Variants in TJP2 observed in about 807,000 individuals in gnomAD.
TJP2 encodes the protein Friedreich ataxia region gene X104 (tight junction protein ZO-2).
TJP2 carries 91 observed loss-of-function variants against 133.1 expected under a neutral mutation model. The observed-to-expected ratio is 0.68, with a 90% confidence interval of 0.58 to 0.81. The LOEUF is 0.81. Among genes scored for constraint, TJP2 ranks in the 40% least tolerant of loss-of-function variants. The pLI is 0.00. For missense variants in TJP2, 1,541 were observed against 1,565.6 expected (o/e 0.98, Z 0.26); for synonymous variants, 592 against 583.4 (o/e 1.01, Z -0.21).
chr9:69,205,466 G>C (rs570722419), intron 1 of TJP2, among the ~76,000 whole-genome samples: 1 of 152,310 alleles, frequency 6.6e-6, no homozygotes, highest in South Asian at 2.1e-4. Context: ...TACTGGATCT[G>C]TGGATCAAAG....
chr9:69,234,636 T>A, intron 12 of TJP2, 89 bp downstream of exon 12: 1 of 999,396 alleles, frequency 1.0e-6, no homozygotes, highest in Non-Finnish European at 1.5e-6. Flanking sequence ...AATAGGCAAA[T>A]CTGGGTATTA....
Position 69,151,678 on chromosome 9 carries a change from T to G in TJP2, c.-103T>G, listed in dbSNP as rs1823486053. On this transcript the variant is annotated 5_prime_UTR_variant, in exon 2 of 6. Transcript: ENST00000423935. ...TGCGAAGTACCACATTACTGTCATC[T>G]CCCTGTGAGTGGGATTGGCACCCCG... is the stretch of plus-strand genomic sequence containing the variant. 8.1e-6 allele frequency: 10 copies of G among 1,232,070 alleles called. No homozygotes were observed. In the East Asian group the frequency reaches 3.2e-4, roughly 39 times the overall value. The allele number at this position is 1,232,070 out of a possible 1,614,324, so 76.3% of individuals were successfully genotyped here. A position where few individuals can be genotyped will look rare whatever the true frequency, so the allele number is the denominator to read the frequency against.
intron 1 of TJP2, chr9:69,205,060 G>A (rs139558532): frequency 8.9e-6 from 13 of 1,460,400 alleles, no homozygotes; most frequent in Middle Eastern, 2.2e-4. Flanking sequence ...CTGGAAATGT[G>A]GGCCACTATT....
chr9:69,221,076 G>C lies in TJP2; in HGVS notation c.532G>C (p.Gly178Arg). ...SRSWEDSPER[G>R]RPHERARSRE... Reference sequence around the variant, plus strand: ...CAGCTGGGAGGACAGCCCGGAAAGGGGGCGTCCCCATGAGCGGGCCCGGAG... The same window carrying C: ...CAGCTGGGAGGACAGCCCGGAAAGGCGGCGTCCCCATGAGCGGGCCCGGAG... The change falls in exon 5 of 23, where the codon GGG (glycine) becomes CGG (arginine). Residue 178 changes from glycine (G) to arginine (R), a missense_variant. Coordinates refer to ENST00000377245, the MANE Select transcript of TJP2 (RefSeq NM_004817.4). 3 of 1,593,948 alleles carry C rather than the reference G, an allele frequency of 1.9e-6. No homozygotes were observed. The highest frequency in any genetic ancestry group is 2.6e-6 in the Non-Finnish European group (3 of 1,170,862).
chr9:69,227,897 T>C (rs752161763), intron 8 of TJP2, 24 bp downstream of exon 8: 11 of 1,612,910 alleles, frequency 6.8e-6, no homozygotes, highest in Middle Eastern at 3.3e-4. Context: ...AATATTCTCT[T>C]GTACATGTCA....
At position 69,221,459 on chromosome 9, in the gene TJP2, C is replaced by T; in HGVS notation, c.915C>T (p.Pro305=). The change falls in exon 5 of 23, where the codon CCC becomes CCT. Residue 305 remains proline (P), a synonymous_variant. Coordinates refer to ENST00000377245, the MANE Select transcript of TJP2 (RefSeq NM_004817.4). ...PSPEPRGRPG[P]IGVLLMKSRA... ...CCGAGCCTAGGGGGCGGCCGGGGCC[C>T]ATCGGGGTCCTCCTGATGAAAAGCA... 3 of 1,598,112 alleles carry T rather than the reference C, an allele frequency of 1.9e-6. No individual in the cohort carries two copies. The highest frequency in any genetic ancestry group is 2.6e-6 in the Non-Finnish European group (3 of 1,172,226).
intron 1 of TJP2, chr9:69,151,563 A>G (rs1823481511): frequency 9.0e-6 from 11 of 1,218,374 alleles, no homozygotes; most frequent in South Asian, 8.5e-5. Flanking sequence ...GGCAAATTGT[A>G]TGGTATGTGG....
intron 2 of TJP2, among the ~76,000 whole-genome samples, chr9:69,166,026 C>T (rs969091684): frequency 6.6e-6 from 1 of 152,230 alleles, no homozygotes; most frequent in African/African-American, 2.4e-5. Flanking sequence ...CTCCTTCCAA[C>T]CCAGGACTCT....
At position 69,236,296 on chromosome 9, in the gene TJP2, GA is replaced by G; in HGVS notation, c.1991+59del. On this transcript the variant is annotated intron_variant, in intron 13 of 22. Coordinates refer to ENST00000377245, the MANE Select transcript of TJP2 (RefSeq NM_004817.4). ...TAATCCTTCCCCCTGCAGAAAACTA[GA>G]GACCGCCCCCCTTCCCCCGTAAAAG... 7 of 1,564,488 alleles carry G rather than the reference GA, an allele frequency of 4.5e-6. No individual in the cohort carries two copies. In the South Asian group the frequency reaches 7.9e-5, roughly 18 times the overall value.
At chr9:69,162,580 A>G (rs1824139344) in intron 2 of TJP2, among the ~76,000 whole-genome samples, 1 of 152,268 alleles carries the variant, frequency 6.6e-6, no homozygotes, top group African/African-American at 2.4e-5. Flanking sequence ...CAATTATGGT[A>G]TATTCATACA....
chr9:69,201,965 G>A (rs1006175739), intron 1 of TJP2, among the ~76,000 whole-genome samples: 4 of 152,154 alleles, frequency 2.6e-5, no homozygotes, highest in Admixed American at 6.5e-5. Context: ...AGGGGAGAGG[G>A]AAATGGGGAG....
At chr9:69,174,081 A>AGGCGC, upstream of TJP2, 1 of 1,109,760 alleles carries the variant, frequency 9.0e-7, no homozygotes, top group Non-Finnish European at 1.1e-6. Flanking sequence ...GGAGCCTCGA[A>AGGCGC]GGCGCGGCGC....
At chr9:69,184,681 A>G (rs1271925419) in intron 1 of TJP2, among the ~76,000 whole-genome samples, 2 of 151,830 alleles carry the variant, frequency 1.3e-5, no homozygotes, top group Non-Finnish European at 2.9e-5. Context: ...GGCAGTGGTT[A>G]TAATTTATTA....
At chr9:69,133,221 CA>C (rs1822574722) in intron 1 of TJP2, among the ~76,000 whole-genome samples, 1 of 152,270 alleles carries the variant, frequency 6.6e-6, no homozygotes, top group East Asian at 1.9e-4. Flanking sequence ...CTCGGCCTCC[CA>C]AAGTGCTGGG....
chr9:69,228,038 T>G lies in TJP2; in HGVS notation c.1377T>G (p.Phe459Leu). 1 of 1,614,044 alleles carries G rather than the reference T, an allele frequency of 6.2e-7. No homozygotes were observed. Among genetic ancestry groups the G allele is most frequent in the Non-Finnish European group, 8.5e-7 (1 of 1,179,986 alleles). ...GGATGGGTGCGACACCCACTCCCTT[T>G]AAGTCCACAGGGGATATTGCAGGCA... Reference protein sequence around the residue: ...LSRMGATPTPFKSTGDIAGTV... With the variant: ...LSRMGATPTPLKSTGDIAGTV... Residue 459 changes from phenylalanine (F) to leucine (L), a missense_variant, in exon 9 of 23, where the codon TTT (phenylalanine) becomes TTG (leucine). Transcript: ENST00000377245.
chr9:69,130,989 C>T (rs1366332241), intron 1 of TJP2, among the ~76,000 whole-genome samples: 1 of 152,132 alleles, frequency 6.6e-6, no homozygotes, highest in Non-Finnish European at 1.5e-5. Context: ...AGGGCAGCAT[C>T]CCCGGGCAGT....
Position 69,178,110 on chromosome 9 carries a change from G to A in TJP2, c.60+3678G>A, listed in dbSNP as rs548108227. 2.0e-5 allele frequency among the ~76,000 whole-genome samples: 3 copies of A among 152,034 alleles called. No individual in the cohort carries two copies. The East Asian group carries it at 5.8e-4, about 29-fold the overall frequency. ...AGCTTCATCATCCTAGATAACCTGT[G>A]AGCTCTCAGAGGAGACAGAGTAAGG... is the stretch of plus-strand genomic sequence containing the variant. On this transcript the variant is annotated intron_variant, in intron 1 of 22. Transcript: ENST00000377245.
intron 1 of TJP2, among the ~76,000 whole-genome samples, chr9:69,178,520 A>G (rs1034206953): frequency 2.6e-5 from 4 of 152,196 alleles, no homozygotes; most frequent in Non-Finnish European, 4.4e-5. Flanking sequence ...TGTGGTGCTT[A>G]CTTATAGAGA....
rs762420929 is a variant in TJP2 at position 69,246,704 on chromosome 9, A to T, written c.2581A>T (p.Asn861Tyr). 6.2e-7 allele frequency: 1 copy of T among 1,614,090 alleles called. No individual in the cohort carries two copies. Among genetic ancestry groups the T allele is most frequent in the Non-Finnish European group, 8.5e-7 (1 of 1,179,976 alleles). Residue 861 changes from asparagine to tyrosine, a missense_variant, in exon 18 of 23, where the codon AAT becomes TAT. Physicochemically the swap from Asn to Tyr is moderately radical, Grantham distance 143 (BLOSUM62 -2). Transcript: ENST00000377245. ...TATTTCTATAGCTACAATCAACCTA[A>T]ATTCAGCCAATGATAGCTGGTTTGG... ...AHLFTATINL[N>Y]SANDSWFGSL...
Sources: gnomAD v4.1 joint callset for allele counts (sites outside exome capture counted in the v4.1 genomes callset) on GRCh38, gnomAD v4.1.1 for gene constraint, MANE v1.5 for transcripts, NCBI Gene and HGNC (gene_info 2026-07-23, HGNC 2026-07-21) for gene names.